RABGAP1L: variants seen among roughly 807,000 people sequenced by gnomAD.
RABGAP1L encodes the protein rab GTPase-activating protein 1-like.
In RABGAP1L, 63 loss-of-function variants were observed where a neutral mutation model predicts 137.7. That is an observed-to-expected ratio of 0.46 (90% CI 0.37 to 0.56). The LOEUF (loss-of-function observed/expected upper bound fraction) is 0.56, where lower values mean the gene tolerates loss of function less well. RABGAP1L is among the 20% of genes least tolerant of loss of function. RABGAP1L has a pLI of 0.00. For missense variants in RABGAP1L, 1,095 were observed against 1,244.0 expected (o/e 0.88, Z 1.80); for synonymous variants, 431 against 433.7 (o/e 0.99, Z 0.08).
rs1281765754 is a variant in RABGAP1L, at chr1:174,350,960, A to G, written c.1466-20019A>G. Among the ~76,000 whole-genome samples the G allele has an allele frequency of 1.0e-4, 8 of 77,544 alleles. No individual in the cohort carries two copies. In the East Asian group the frequency reaches 1.4e-3, roughly 13 times the overall value. 50.9% of individuals were successfully genotyped at this position (77,544 alleles called of 152,430 possible). The stretch of plus-strand genomic sequence containing the variant: ...TCAGGCGTGGCGGCGCGTGCCTGCA[A>G]TCGCAGGCATTCGGCAGACTGAGGC... On this transcript the variant is annotated intron_variant, in intron 11 of 25. Transcript: ENST00000681986.
intron 19 of RABGAP1L, among the ~76,000 whole-genome samples, chr1:174,905,667 G>A (rs867734782): frequency 4.6e-5 from 7 of 151,854 alleles, no homozygotes; most frequent in South Asian, 2.1e-4. Flanking sequence ...CGTGGCCAAC[G>A]TGATGAAACC....
intron 19 of RABGAP1L, among the ~76,000 whole-genome samples, chr1:174,860,853 A>G (rs1650150485): frequency 6.6e-6 from 1 of 152,206 alleles, no homozygotes; most frequent in Admixed American, 6.6e-5. Flanking sequence ...TGATGCATAC[A>G]TTGTGAAATA....
intron 19 of RABGAP1L, among the ~76,000 whole-genome samples, chr1:174,835,701 A>G (rs1692669835): frequency 6.6e-6 from 1 of 152,206 alleles, no homozygotes; most frequent in South Asian, 2.1e-4. Flanking sequence ...CTCTGTTCTC[A>G]TAGGGATTGT....
chr1:174,387,344 T>C (rs1193995954), intron 12 of RABGAP1L, among the ~76,000 whole-genome samples: 2 of 152,230 alleles, frequency 1.3e-5, no homozygotes, highest in Non-Finnish European at 2.9e-5. Context: ...AGGTTTACCA[T>C]GTTATAGAGG....
intron 20 of RABGAP1L, 78 bp from the exon 21 acceptor site, chr1:174,969,199 T>G (rs1423512387): frequency 9.0e-7 from 1 of 1,108,944 alleles, no homozygotes; most frequent in African/African-American, 1.6e-5. Flanking sequence ...ACTTTGTTGC[T>G]TGTTTTTCCT....
intron 7 of RABGAP1L, among the ~76,000 whole-genome samples, chr1:174,254,448 C>T (rs991562278): frequency 1.3e-5 from 2 of 152,128 alleles, no homozygotes; most frequent in Non-Finnish European, 2.9e-5. Context: ...TTTTAAGCCA[C>T]ACATGCATTA....
intron 13 of RABGAP1L, among the ~76,000 whole-genome samples, chr1:174,597,513 A>T (rs1403159425): frequency 2.0e-5 from 3 of 151,978 alleles, no homozygotes; most frequent in Non-Finnish European, 2.9e-5. Flanking sequence ...GGTTGTTGAT[A>T]GTAGCTTCTA....
At chr1:174,982,037 G>A (rs189095970) in intron 23 of RABGAP1L, among the ~76,000 whole-genome samples, 6 of 152,238 alleles carry the variant, frequency 3.9e-5, no homozygotes, top group Admixed American at 3.9e-4. Flanking sequence ...AACTCCAGCA[G>A]CTAAGTTTTT....
chr1:174,282,399 A>AT lies in RABGAP1L; in HGVS notation c.1323+3627dup, dbSNP rs1253946405. Reference sequence around the variant, plus strand: ...TTCACATTGAGTAATGATTTTGAGCATTTTTTTCTTATGGTTATTAATCAT... The same window carrying AT: ...TTCACATTGAGTAATGATTTTGAGCATTTTTTTTCTTATGGTTATTAATCAT... On this transcript the variant is annotated intron_variant, in intron 10 of 25. Transcript: ENST00000681986. Among the ~76,000 whole-genome samples the AT allele has an allele frequency of 3.3e-5, 5 of 151,980 alleles. No individual in the cohort carries two copies. The South Asian group carries it at 1.0e-3, about 32-fold the overall frequency.
chr1:174,494,024 T>G (rs2149359968), intron 13 of RABGAP1L, among the ~76,000 whole-genome samples: 1 of 152,310 alleles, frequency 6.6e-6, no homozygotes, highest in African/African-American at 2.4e-5. Context: ...AATTTTATTT[T>G]TTCTGACTTT....
At chr1:174,675,306 T>A (rs1677529010) in intron 14 of RABGAP1L, among the ~76,000 whole-genome samples, 1 of 151,324 alleles carries the variant, frequency 6.6e-6, no homozygotes, top group South Asian at 2.1e-4. Context: ...TTTCTGCATA[T>A]GGCTAGCCAG....
chr1:174,747,891 T>C (rs1684010908), intron 17 of RABGAP1L, among the ~76,000 whole-genome samples: 1 of 151,716 alleles, frequency 6.6e-6, no homozygotes. Flanking sequence ...TTTTAATATA[T>C]GTCTTCATTT....
At chr1:174,642,849 ATCTTG>A (rs1674656579) in intron 14 of RABGAP1L, among the ~76,000 whole-genome samples, 1 of 146,296 alleles carries the variant, frequency 6.8e-6, no homozygotes, top group Non-Finnish European at 1.5e-5. Flanking sequence ...CAGTGGTGCA[ATCTTG>A]GTTCATTGCA....
chr1:174,412,898 T>C (rs1432530471), intron 13 of RABGAP1L, among the ~76,000 whole-genome samples: 1 of 152,160 alleles, frequency 6.6e-6, no homozygotes, highest in East Asian at 1.9e-4. Context: ...TTAAAATTTT[T>C]TTCTTTAGCA....
intron 13 of RABGAP1L, among the ~76,000 whole-genome samples, chr1:174,561,470 G>A (rs1311494140): frequency 6.6e-6 from 1 of 152,092 alleles, no homozygotes. Context: ...TCCCCATCAA[G>A]CTACCATTGC....
At chr1:174,383,617 C>G (rs1436744650) in intron 12 of RABGAP1L, among the ~76,000 whole-genome samples, 2 of 152,192 alleles carry the variant, frequency 1.3e-5, no homozygotes, top group Non-Finnish European at 2.9e-5. Flanking sequence ...TTGCGCTTCC[C>G]AAGTGAGGCA....
intron 19 of RABGAP1L, among the ~76,000 whole-genome samples, chr1:174,889,068 A>G (rs1419534252): frequency 6.6e-6 from 1 of 151,928 alleles, no homozygotes; most frequent in Non-Finnish European, 1.5e-5. Context: ...CTGAGTACTT[A>G]ATTAGCTCTT....
chr1:174,524,362 A>G (rs1663695214), intron 13 of RABGAP1L, among the ~76,000 whole-genome samples: 2 of 151,982 alleles, frequency 1.3e-5, no homozygotes, highest in African/African-American at 4.8e-5. Flanking sequence ...GGGTAAGATG[A>G]GAACTCTTTC....
At chr1:174,387,036 C>T (rs1175892187) in intron 12 of RABGAP1L, among the ~76,000 whole-genome samples, 7 of 152,022 alleles carry the variant, frequency 4.6e-5, no homozygotes, top group East Asian at 1.9e-4. Context: ...TTACTTGCTT[C>T]AATATAAATT....
Sources: allele counts gnomAD v4.1 joint callset (sites outside exome capture counted in the v4.1 genomes callset), GRCh38; gene constraint gnomAD v4.1.1; transcripts MANE v1.5; gene names NCBI Gene and HGNC (gene_info 2026-07-23, HGNC 2026-07-21).